The following TNRC6B variants were observed in gnomAD, a reference collection of about 807,000 sequenced individuals.
The protein encoded by TNRC6B is trinucleotide repeat-containing gene 6B protein.
In TNRC6B, 52 loss-of-function variants were observed where a neutral mutation model predicts 203.6. The ratio of observed to expected loss-of-function variants is 0.26; its 90% confidence interval spans 0.20 to 0.32. TNRC6B has a LOEUF of 0.32. Among genes scored for constraint, TNRC6B ranks in the 10% least tolerant of loss-of-function variants. TNRC6B has a pLI of 1.00. For missense variants in TNRC6B, 1,923 were observed against 2,286.2 expected, an observed-to-expected ratio of 0.84 and a Z score of 3.24; for synonymous variants, 838 against 845.7, an observed-to-expected ratio of 0.99 and a Z score of 0.16.
intron 12 of TNRC6B, among the ~76,000 whole-genome samples, chr22:40,293,759 G>A (rs2070900438): frequency 6.6e-6 from 1 of 152,034 alleles, no homozygotes; most frequent in Non-Finnish European, 1.5e-5. Context: ...TGTGTTCACT[G>A]CTGGAGCCTG....
chr22:40,296,491 C>G (rs2070943911), intron 12 of TNRC6B, among the ~76,000 whole-genome samples: 1 of 152,012 alleles, frequency 6.6e-6, no homozygotes, highest in East Asian at 1.9e-4. Flanking sequence ...GCCATCACTC[C>G]CGGCTAATTT....
chr22:40,182,055 C>T (rs2069138187), intron 1 of TNRC6B, among the ~76,000 whole-genome samples: 1 of 151,570 alleles, frequency 6.6e-6, no homozygotes, highest in African/African-American at 2.4e-5. Flanking sequence ...CCAGCCTGGA[C>T]AATATGGTGA....
intron 3 of TNRC6B, among the ~76,000 whole-genome samples, chr22:40,151,820 G>C (rs1377411715): frequency 1.3e-5 from 2 of 151,432 alleles, no homozygotes; most frequent in Non-Finnish European, 2.9e-5. Flanking sequence ...ATCAATCTCA[G>C]AGATTCATTC....
intron 19 of TNRC6B, among the ~76,000 whole-genome samples, chr22:40,314,439 G>A (rs2071229525): frequency 1.3e-5 from 2 of 152,288 alleles, no homozygotes; most frequent in South Asian, 4.1e-4. Context: ...AAAAACTCCT[G>A]ATATGTAACC....
chr22:40,183,819 C>T (rs897733401), intron 1 of TNRC6B, among the ~76,000 whole-genome samples: 49 of 151,968 alleles, frequency 3.2e-4, no homozygotes, highest in Non-Finnish European at 6.2e-4. Flanking sequence ...GTCAGCCTCC[C>T]GAGTAGCTGG....
chr22:40,256,498 G>A (rs1403736317), intron 3 of TNRC6B, among the ~76,000 whole-genome samples: 2 of 152,090 alleles, frequency 1.3e-5, no homozygotes, highest in African/African-American at 2.4e-5. Context: ...TATTTTCTAC[G>A]TTTTTTAATT....
intron 1 of TNRC6B, among the ~76,000 whole-genome samples, chr22:40,224,415 A>G (rs552687487): frequency 3.3e-5 from 5 of 151,344 alleles, no homozygotes; most frequent in South Asian, 2.1e-4. Context: ...TCCTTCACCC[A>G]TTTTTCTTTT....
chr22:40,293,410 C>G (rs2070895675), intron 12 of TNRC6B, among the ~76,000 whole-genome samples: 1 of 151,888 alleles, frequency 6.6e-6, no homozygotes, highest in Non-Finnish European at 1.5e-5. Context: ...CCAGTCTGGT[C>G]TCGAACTCCT....
At chr22:40,105,224 T>C (rs1298915605) in intron 1 of TNRC6B, among the ~76,000 whole-genome samples, 4 of 152,264 alleles carry the variant, frequency 2.6e-5, no homozygotes, top group Admixed American at 6.5e-5. Context: ...TTTAAAGTTA[T>C]ACCAAAAATA....
intron 22 of TNRC6B, among the ~76,000 whole-genome samples, chr22:40,322,541 A>G (rs911977711): frequency 2.0e-5 from 3 of 152,212 alleles, no homozygotes; most frequent in Non-Finnish European, 2.9e-5. Context: ...GTTGTCTAGA[A>G]TATATAAATT....
chr22:40,322,728 C>T (rs1200466759), intron 22 of TNRC6B, 126 bp from the exon 23 acceptor site: 3 of 1,134,534 alleles, frequency 2.6e-6, no homozygotes, highest in Admixed American at 2.4e-5. Context: ...TTCTAAAAAG[C>T]GTTCATGGAT....
intron 1 of TNRC6B, among the ~76,000 whole-genome samples, chr22:40,230,963 A>G (rs960921393): frequency 6.6e-6 from 1 of 152,078 alleles, no homozygotes; most frequent in Non-Finnish European, 1.5e-5. Flanking sequence ...TATTCCTACT[A>G]GTTATTCTAA....
chr22:40,228,898 G>T (rs1227673817), intron 1 of TNRC6B, among the ~76,000 whole-genome samples: 3 of 152,060 alleles, frequency 2.0e-5, no homozygotes, highest in African/African-American at 7.2e-5. Context: ...TAGAAGCATG[G>T]CATATTAATT....
At chr22:40,153,054 T>C (rs1212759119) in intron 3 of TNRC6B, among the ~76,000 whole-genome samples, 1 of 151,798 alleles carries the variant, frequency 6.6e-6, no homozygotes, top group Admixed American at 6.6e-5. Flanking sequence ...TGAGCCAAGA[T>C]CACACCACTT....
chr22:40,218,324 C>CTTTTTTTTTTT (rs71199275), intron 1 of TNRC6B, among the ~76,000 whole-genome samples: 13 of 97,484 alleles, frequency 1.3e-4, no homozygotes, highest in South Asian at 3.6e-4. Context: ...TTTTTCTTTT[C>CTTTTTTTTTTT]TTTTTTTTTT....
intron 1 of TNRC6B, among the ~76,000 whole-genome samples, chr22:40,051,041 T>G (rs924899366): frequency 2.0e-5 from 3 of 152,098 alleles, no homozygotes; most frequent in Admixed American, 6.5e-5. Flanking sequence ...GCCAGGCTGG[T>G]CTTGGACTCC....
chr22:40,059,265 C>T (rs759196848), intron 1 of TNRC6B, among the ~76,000 whole-genome samples: 11 of 152,160 alleles, frequency 7.2e-5, no homozygotes, highest in African/African-American at 2.7e-4. Flanking sequence ...TCTTAAGTAA[C>T]GCCTCCTTCA....
chr22:40,102,649 G>A (rs1414907850), intron 1 of TNRC6B, among the ~76,000 whole-genome samples: 4 of 152,082 alleles, frequency 2.6e-5, no homozygotes, highest in Admixed American at 2.0e-4. Context: ...TTAAAACATA[G>A]TAAATTGCCC....
At chr22:40,083,671 T>A (rs1390143698) in intron 1 of TNRC6B, among the ~76,000 whole-genome samples, 1 of 151,786 alleles carries the variant, frequency 6.6e-6, no homozygotes, top group African/African-American at 2.4e-5. Flanking sequence ...AATTGCAAGA[T>A]TGGAGTTTAT....
Sources: gnomAD v4.1 joint callset for allele counts (sites outside exome capture counted in the v4.1 genomes callset) on GRCh38, gnomAD v4.1.1 for gene constraint, MANE v1.5 for transcripts, NCBI Gene and HGNC (gene_info 2026-07-23, HGNC 2026-07-21) for gene names.